RIT2: variants seen among roughly 807,000 people sequenced by gnomAD.
RIT2 encodes the protein Ras like without CAAX 2, also known as GTP-binding protein Rit2.
Under a neutral mutation model 23.7 loss-of-function variants are expected in RIT2, and 24 were observed. That is an observed-to-expected ratio of 1.01 (90% CI 0.73 to 1.43). The LOEUF is 1.43. RIT2 is among the 40% of genes most tolerant of loss of function. The pLI, the probability that RIT2 is intolerant of heterozygous loss-of-function variation, is 0.00. For missense variants in RIT2, 236 were observed against 266.9 expected, an observed-to-expected ratio of 0.88 and a Z score of 0.81; for synonymous variants, 107 against 91.1, an observed-to-expected ratio of 1.17 and a Z score of -0.99.
chr18:42,856,451 T>C (rs1325390651), intron 4 of RIT2, among the ~76,000 whole-genome samples: 1 of 152,228 alleles, frequency 6.6e-6, no homozygotes, highest in Non-Finnish European at 1.5e-5. Context: ...ACAATTTCTC[T>C]TGAACCTTTT....
At chr18:42,966,923 C>T (rs570534846) in intron 3 of RIT2, among the ~76,000 whole-genome samples, 6 of 152,112 alleles carry the variant, frequency 3.9e-5, no homozygotes, top group African/African-American at 1.4e-4. Flanking sequence ...GTAGTTATGG[C>T]AAGCAGTATG....
intron 4 of RIT2, among the ~76,000 whole-genome samples, chr18:42,810,169 A>C (rs1408618745): frequency 6.6e-6 from 1 of 150,862 alleles, no homozygotes; most frequent in African/African-American, 2.4e-5. Flanking sequence ...CTAAAGAAAG[A>C]GATTATTTAA....
intron 4 of RIT2, among the ~76,000 whole-genome samples, chr18:42,894,925 G>A (rs762324115): frequency 6.6e-5 from 10 of 152,150 alleles, no homozygotes; most frequent in Non-Finnish European, 1.5e-4. Flanking sequence ...TGCCCCTCCA[G>A]GTAAATATGA....
intron 1 of RIT2, among the ~76,000 whole-genome samples, chr18:43,061,959 C>G (rs889430621): frequency 6.6e-6 from 1 of 152,050 alleles, no homozygotes; most frequent in East Asian, 1.9e-4. Flanking sequence ...CATTCTCCCT[C>G]CCACTCACCA....
rs1046211585 is a variant in RIT2 at position 43,026,934 on chromosome 18, C to A, written c.160+6877G>T. On this transcript the variant is annotated intron_variant, in intron 2 of 4. Transcript: ENST00000326695. ...ATAAGAAGACCAAATGCAAGAAGAC[C>A]AAATGCTGAGTCTTAGGTAAACAGG... is the stretch of plus-strand genomic sequence containing the variant. Among the ~76,000 whole-genome samples, 22 of 152,048 alleles carry A rather than the reference C, an allele frequency of 1.4e-4. 1 individual carries two copies. The highest frequency in any genetic ancestry group is 1.0e-3 in the Admixed American group (16 of 15,258).
chr18:42,918,439 A>G (rs1012104721), intron 4 of RIT2, among the ~76,000 whole-genome samples: 4 of 152,148 alleles, frequency 2.6e-5, no homozygotes, highest in Non-Finnish European at 5.9e-5. Flanking sequence ...TTAATTGTTA[A>G]TTGAATTTGG....
chr18:43,107,665 C>G (rs1913856314), intron 1 of RIT2, among the ~76,000 whole-genome samples: 1 of 152,052 alleles, frequency 6.6e-6, no homozygotes, highest in Non-Finnish European at 1.5e-5. Flanking sequence ...CACCTTCTCT[C>G]TATGTGGTTG....
chr18:43,004,837 A>T (rs1236137594), intron 2 of RIT2, among the ~76,000 whole-genome samples: 3 of 151,846 alleles, frequency 2.0e-5, no homozygotes, highest in Non-Finnish European at 4.4e-5. Flanking sequence ...TTATATTCCT[A>T]TTAGATTGTT....
intron 1 of RIT2, among the ~76,000 whole-genome samples, chr18:43,104,323 C>T (rs1913758124): frequency 6.6e-6 from 1 of 152,094 alleles, no homozygotes; most frequent in South Asian, 2.1e-4. Context: ...GATACAAAAT[C>T]ACAGCTAGAT....
intron 4 of RIT2, among the ~76,000 whole-genome samples, chr18:42,823,591 C>T (rs1295295599): frequency 1.3e-5 from 2 of 152,020 alleles, no homozygotes; most frequent in Non-Finnish European, 2.9e-5. Flanking sequence ...TATGCTTGTG[C>T]CTGTGGCTGG....
At chr18:42,763,079 G>A (rs1913338765) in intron 4 of RIT2, among the ~76,000 whole-genome samples, 1 of 152,150 alleles carries the variant, frequency 6.6e-6, no homozygotes, top group African/African-American at 2.4e-5. Flanking sequence ...ATATTGCTGT[G>A]CTGAATACTG....
chr18:43,094,113 GGTTTTTTTT>G (rs1418744450), intron 1 of RIT2, among the ~76,000 whole-genome samples: 2 of 107,106 alleles, frequency 1.9e-5, no homozygotes, highest in African/African-American at 6.4e-5. Context: ...GGTATTAGTG[GGTTTTTTTT>G]GTTTTTTTTT....
chr18:42,824,778 T>A (rs910243681), intron 4 of RIT2, among the ~76,000 whole-genome samples: 2 of 151,776 alleles, frequency 1.3e-5, no homozygotes, highest in African/African-American at 4.8e-5. Context: ...TGTGTGTGTG[T>A]GTTTGTGTTT....
intron 4 of RIT2, among the ~76,000 whole-genome samples, chr18:42,762,166 C>T (rs925089558): frequency 1.3e-5 from 2 of 152,114 alleles, no homozygotes; most frequent in African/African-American, 4.8e-5. Flanking sequence ...TATGCCTGGC[C>T]TTTATAAACA....
At chr18:42,894,471 A>G (rs1195507953) in intron 4 of RIT2, among the ~76,000 whole-genome samples, 2 of 152,354 alleles carry the variant, frequency 1.3e-5, no homozygotes, top group African/African-American at 2.4e-5. Flanking sequence ...CAAAATAATT[A>G]TTAGTAGAAC....
At position 43,004,764 on chromosome 18, in the gene RIT2, A is replaced by C. The variant is rs1466075314; in HGVS notation, c.160+29047T>G. Reference sequence around the variant, plus strand: ...TAATTGCCCTTTGCTACTCTCACTCACAGATTTTCTTTCTGTAAGATTTTC... The same window carrying C: ...TAATTGCCCTTTGCTACTCTCACTCCCAGATTTTCTTTCTGTAAGATTTTC... On this transcript the variant is annotated intron_variant, in intron 2 of 4. Coordinates refer to ENST00000326695, the MANE Select transcript of RIT2 (RefSeq NM_002930.4). Among the ~76,000 whole-genome samples the C allele has an allele frequency of 2.0e-5, 3 of 151,824 alleles. No individual in the cohort carries two copies. In the East Asian group the frequency reaches 5.8e-4, roughly 30 times the overall value.
At chr18:42,793,978 C>T (rs920208800) in intron 4 of RIT2, among the ~76,000 whole-genome samples, 6 of 152,096 alleles carry the variant, frequency 3.9e-5, no homozygotes, top group Non-Finnish European at 8.8e-5. Context: ...TACAATTTCT[C>T]ATTAGCACCC....
chr18:42,855,234 CT>C (rs1402737513), intron 4 of RIT2, among the ~76,000 whole-genome samples: 2 of 152,058 alleles, frequency 1.3e-5, no homozygotes, highest in Non-Finnish European at 2.9e-5. Flanking sequence ...TGGGATCTTG[CT>C]TTTTTGAGGT....
At chr18:43,104,246 G>A (rs897678445) in intron 1 of RIT2, among the ~76,000 whole-genome samples, 1 of 152,150 alleles carries the variant, frequency 6.6e-6, no homozygotes, top group African/African-American at 2.4e-5. Context: ...TGATATAGAA[G>A]TAGAACTGTG....
Sources: gnomAD v4.1 joint callset for allele counts (sites outside exome capture counted in the v4.1 genomes callset) on GRCh38, gnomAD v4.1.1 for gene constraint, MANE v1.5 for transcripts, NCBI Gene and HGNC (gene_info 2026-07-23, HGNC 2026-07-21) for gene names.